Variants in TRIM37 observed in about 807,000 individuals in gnomAD.
The protein encoded by TRIM37 is E3 ubiquitin-protein ligase TRIM37.
A neutral mutation model predicts 129.8 loss-of-function variants in TRIM37; 80 were observed. That is an observed-to-expected ratio of 0.62 (90% CI 0.51 to 0.74). TRIM37 has a LOEUF of 0.74. Among genes scored for constraint, TRIM37 ranks in the 30% least tolerant of loss-of-function variants. The pLI is 0.00. For missense variants in TRIM37, 1,054 were observed against 1,176.5 expected, an observed-to-expected ratio of 0.90 and a Z score of 1.52; for synonymous variants, 389 against 387.1, an observed-to-expected ratio of 1.00 and a Z score of -0.06.
At chr17:58,986,821 C>T (rs1237967957) in intron 24 of TRIM37, among the ~76,000 whole-genome samples, 1 of 152,138 alleles carries the variant, frequency 6.6e-6, no homozygotes, top group Non-Finnish European at 1.5e-5. Flanking sequence ...CATCTGTCAT[C>T]TTAACAGCAA....
chr17:59,078,775 T>C (rs1417098743), intron 7 of TRIM37, among the ~76,000 whole-genome samples: 1 of 152,198 alleles, frequency 6.6e-6, no homozygotes, highest in East Asian at 1.9e-4. Context: ...TTTGTCTAAT[T>C]GCTCCACTGG....
intron 3 of TRIM37, among the ~76,000 whole-genome samples, chr17:59,089,209 A>C (rs2044052373): frequency 6.6e-6 from 1 of 152,028 alleles, no homozygotes; most frequent in Non-Finnish European, 1.5e-5. Flanking sequence ...AGCCAAGATC[A>C]TGCCTCTGCA....
At chr17:59,101,043 AAAAC>A (rs1029097026) in intron 2 of TRIM37, among the ~76,000 whole-genome samples, 1 of 151,586 alleles carries the variant, frequency 6.6e-6, no homozygotes, top group South Asian at 2.1e-4. Flanking sequence ...AAAAAAGAAC[AAAAC>A]AAACAAAAAA....
chr17:59,092,292 G>A (rs995647908), intron 2 of TRIM37, among the ~76,000 whole-genome samples: 3 of 151,686 alleles, frequency 2.0e-5, no homozygotes, highest in African/African-American at 4.8e-5. Flanking sequence ...CCAGCTACTC[G>A]GGAGGCTGAG....
intron 13 of TRIM37, 147 bp downstream of exon 13, chr17:59,056,728 A>AAAAAAAAAAT (rs2040944911): frequency 5.3e-6 from 2 of 377,284 alleles, no homozygotes; most frequent in Admixed American, 4.6e-5. Flanking sequence ...AAAAAAAAAA[A>AAAAAAAAAAT]AAAAAAAAAA....
intron 17 of TRIM37, among the ~76,000 whole-genome samples, chr17:59,039,673 A>G (rs2038944456): frequency 6.6e-6 from 1 of 151,946 alleles, no homozygotes; most frequent in Non-Finnish European, 1.5e-5. Context: ...TAAGAATTAA[A>G]GCTCTTCTCT....
intron 9 of TRIM37, among the ~76,000 whole-genome samples, chr17:59,065,853 C>A (rs928634599): frequency 6.6e-6 from 1 of 152,098 alleles, no homozygotes; most frequent in African/African-American, 2.4e-5. Context: ...ACAAATAATT[C>A]TTTATTTCAA....
intron 19 of TRIM37, among the ~76,000 whole-genome samples, chr17:59,017,915 C>T (rs555161019): frequency 3.0e-4 from 46 of 152,236 alleles, no homozygotes; most frequent in African/African-American, 1.1e-3. Flanking sequence ...CATGGGCCAC[C>T]GCACACCGCC....
Position 58,999,144 on chromosome 17 carries a change from T to C in TRIM37, c.*233A>G, listed in dbSNP as rs956748361. ...TTTGCTAAATTAATAGAGAACTACA[T>C]TGTTATTTCCTTACATTACAAAGAA... On this transcript the variant is annotated 3_prime_UTR_variant, in exon 24 of 24. Transcript: ENST00000262294. The C allele has an allele frequency of 5.2e-6, 7 of 1,351,098 alleles. No individual in the cohort carries two copies. The highest frequency in any genetic ancestry group is 6.7e-6 in the Non-Finnish European group (7 of 1,050,478). The allele number at this position is 1,351,098 out of a possible 1,614,324, so 83.7% of individuals were successfully genotyped here.
At chr17:58,978,711 T>A (rs1411555120), downstream of TRIM37, among the ~76,000 whole-genome samples, 1 of 151,966 alleles carries the variant, frequency 6.6e-6, no homozygotes, top group East Asian at 1.9e-4. Context: ...AAAATAAAAA[T>A]AAAAAAGTGA....
At chr17:59,028,754 T>C in intron 18 of TRIM37, 31 bp from the exon 19 acceptor site, 2 of 1,606,432 alleles carry the variant, frequency 1.2e-6, no homozygotes, top group Non-Finnish European at 1.7e-6. Flanking sequence ...CATGTTAACA[T>C]AAACGTTAAT....
chr17:59,081,898 G>GT (rs1194360253), intron 5 of TRIM37, among the ~76,000 whole-genome samples: 1 of 127,318 alleles, frequency 7.9e-6, no homozygotes, highest in Non-Finnish European at 1.6e-5. Flanking sequence ...CAGAGACTCT[G>GT]TCCCCCCCAA....
downstream of TRIM37, chr17:58,979,961 C>CT (rs768019555): frequency 7.5e-6 from 12 of 1,601,690 alleles, no homozygotes; most frequent in Admixed American, 2.0e-4. Context: ...CCCCTACACT[C>CT]TGCTTCCCGC....
At chr17:58,977,461 T>TAATG in the TRIM37 span, among the ~76,000 whole-genome samples, 2 of 144,496 alleles carry the variant, frequency 1.4e-5, no homozygotes, top group African/African-American at 5.2e-5. Flanking sequence ...AAAAAAGAAA[T>TAATG]AATGAATGAA....
chr17:59,036,451 T>G (rs1003758468), intron 17 of TRIM37, among the ~76,000 whole-genome samples: 40 of 138,062 alleles, frequency 2.9e-4, no homozygotes, highest in African/African-American at 1.1e-3. Context: ...GCTGGGGGTG[T>G]GTGTGTGTGT....
chr17:59,020,136 T>C (rs1567992783), intron 19 of TRIM37, among the ~76,000 whole-genome samples: 2 of 137,764 alleles, frequency 1.5e-5, no homozygotes, highest in East Asian at 2.1e-4. Flanking sequence ...GAGGCTGAGG[T>C]AGGAGAAGTG....
intron 2 of TRIM37, among the ~76,000 whole-genome samples, chr17:59,092,476 T>C (rs539265861): frequency 6.6e-6 from 1 of 151,872 alleles, no homozygotes; most frequent in South Asian, 2.1e-4. Context: ...CTCATAATTA[T>C]AAAAAGGTTT....
At chr17:59,083,192 T>A (rs1260048334) in intron 5 of TRIM37, among the ~76,000 whole-genome samples, 1 of 152,136 alleles carries the variant, frequency 6.6e-6, no homozygotes, top group African/African-American at 2.4e-5. Flanking sequence ...TCCCAGCACT[T>A]TGGGAGGCCA....
intron 23 of TRIM37, among the ~76,000 whole-genome samples, chr17:59,000,677 G>GC (rs1038349984): frequency 1.6e-4 from 24 of 152,182 alleles, no homozygotes; most frequent in Non-Finnish European, 7.4e-5. Context: ...GGTTTCTCTT[G>GC]TTTTTTTCCT....
Sources: gnomAD v4.1 joint callset for allele counts (sites outside exome capture counted in the v4.1 genomes callset) on GRCh38, gnomAD v4.1.1 for gene constraint, MANE v1.5 for transcripts, NCBI Gene and HGNC (gene_info 2026-07-23, HGNC 2026-07-21) for gene names.